Variants in CEP295 observed in about 807,000 individuals in gnomAD.
CEP295 encodes centrosomal protein 295.
Under a neutral mutation model 291.6 loss-of-function variants are expected in CEP295, and 190 were observed. The ratio of observed to expected loss-of-function variants is 0.65; its 90% CI spans 0.58 to 0.73. The LOEUF (loss-of-function observed/expected upper bound fraction) is 0.73, where lower values mean the gene tolerates loss of function less well. CEP295 is among the 30% of genes least tolerant of loss of function. The pLI is 0.00. For missense variants in CEP295, 2,863 were observed against 2,949.4 expected, an observed-to-expected ratio of 0.97 and a Z score of 0.68; for synonymous variants, 993 against 1,038.8, an observed-to-expected ratio of 0.96 and a Z score of 0.85.
At chr11:93,724,178 T>G (rs2135334520) in intron 21 of CEP295, 76 bp from the exon 22 acceptor site, 2 of 1,337,070 alleles carry the variant, frequency 1.5e-6, no homozygotes, top group Middle Eastern at 1.9e-4. Flanking sequence ...AATACTCCTT[T>G]TCTAGTGTTT....
At position 93,669,716 on chromosome 11, in the gene CEP295, A is replaced by G; in HGVS notation, c.474A>G (p.Lys158=). 6.4e-7 allele frequency: 1 copy of G among 1,550,818 alleles called. No individual in the cohort carries two copies. The change falls in exon 5 of 30, where the codon AAA becomes AAG. Residue 158 remains lysine (K), a synonymous_variant. Coordinates refer to ENST00000325212, the MANE Select transcript of CEP295 (RefSeq NM_033395.2). Reference sequence around the variant, plus strand: ...GAAAGGAAGCACTGCTTGTGGAAAAAGAGAGATCAGCCAAAATTACAAGTC... The same window carrying G: ...GAAAGGAAGCACTGCTTGTGGAAAAGGAGAGATCAGCCAAAATTACAAGTC... ...KARKEALLVE[K]ERSAKITSLP... is the part of the protein sequence containing the mutation.
intron 25 of CEP295, 63 bp downstream of exon 25, chr11:93,728,884 C>A (rs1937830379): frequency 1.1e-5 from 16 of 1,407,566 alleles, no homozygotes; most frequent in Middle Eastern, 2.4e-4. Flanking sequence ...TTGTCTCTTA[C>A]AACTTATCAG....
chr11:93,728,913 A>G, intron 25 of CEP295, 92 bp downstream of exon 25: 1 of 1,176,314 alleles, frequency 8.5e-7, no homozygotes, highest in Admixed American at 2.8e-5. Context: ...CATTGGAGGG[A>G]ATTATGCTAT....
At position 93,668,867 on chromosome 11, in the gene CEP295, G is replaced by T; in HGVS notation, c.369G>T (p.Leu123Phe). ...RAAERKRKAD[L>F]RHKEALKVQK... Reference sequence around the variant, plus strand: ...CAGAAAGGAAAAGAAAAGCAGATTTGAGGCATAAAGAAGCCTTGAAAGTAC... The same window carrying T: ...CAGAAAGGAAAAGAAAAGCAGATTTTAGGCATAAAGAAGCCTTGAAAGTAC... Residue 123 changes from leucine (L) to phenylalanine (F), a missense_variant, in exon 4 of 30, where the codon TTG (leucine) becomes TTT (phenylalanine). Leu to Phe is a conservative substitution (Grantham distance 22). Transcript: ENST00000325212. The T allele has an allele frequency of 6.8e-7, 1 of 1,481,386 alleles. No homozygotes were observed. Among genetic ancestry groups the T allele is most frequent in the East Asian group, 2.5e-5 (1 of 40,346 alleles). 91.8% of individuals were successfully genotyped at this position (1,481,386 alleles called of 1,614,324 possible). A position where few individuals can be genotyped will look rare whatever the true frequency, so the allele number is the denominator to read the frequency against.
intron 4 of CEP295, 70 bp downstream of exon 4, chr11:93,669,002 A>C: frequency 1.3e-6 from 1 of 749,918 alleles, no homozygotes; most frequent in Non-Finnish European, 2.1e-6. Flanking sequence ...TACATAGGAT[A>C]CTGTGTAAGC....
chr11:93,689,903 T>G (rs1951432084), intron 10 of CEP295, among the ~76,000 whole-genome samples: 1 of 152,190 alleles, frequency 6.6e-6, no homozygotes, highest in Non-Finnish European at 1.5e-5. Flanking sequence ...ATATGATATT[T>G]AAAGCCATGG....
At chr11:93,728,654 G>T (rs1177014000) in intron 24 of CEP295, 27 bp from the exon 25 acceptor site, 32 of 1,507,558 alleles carry the variant, frequency 2.1e-5, no homozygotes, top group Non-Finnish European at 2.7e-5. Context: ...ATTTTGACAT[G>T]GTTTTCCTTT....
intron 18 of CEP295, among the ~76,000 whole-genome samples, chr11:93,717,853 G>A (rs1953385476): frequency 6.6e-6 from 1 of 152,138 alleles, no homozygotes; most frequent in African/African-American, 2.4e-5. Flanking sequence ...TCAGCTCCTG[G>A]ATACCAGGGA....
In CEP295 at chr11:93,698,164, TAGAC is replaced by T; in HGVS notation, c.3254_3257del (p.Arg1085LysfsTer12). On this transcript the variant is annotated frameshift_variant, in exon 15 of 30. Transcript: ENST00000325212. LOFTEE classifies it high-confidence loss of function. ...AAGCTCAGGTGGAATTACTTTTACATAGACAAAGAGATTTGGGGGACAGTAAGTC... is the reference window on the plus strand; with the variant it reads ...AAGCTCAGGTGGAATTACTTTTACATAAAGAGATTTGGGGGACAGTAAGTC... 1 of 1,552,132 alleles carries T rather than the reference TAGAC, an allele frequency of 6.4e-7. No individual in the cohort carries two copies. Among genetic ancestry groups the T allele is most frequent in the Non-Finnish European group, 8.7e-7 (1 of 1,147,088 alleles).
At chr11:93,695,700 C>A in intron 13 of CEP295, 66 bp downstream of exon 13, 1 of 1,457,134 alleles carries the variant, frequency 6.9e-7, no homozygotes, top group Non-Finnish European at 8.9e-7. Context: ...AATATGAGCA[C>A]TTGTAGCGTT....
Position 93,699,552 on chromosome 11 carries a change from G to A in CEP295, c.4640G>A (p.Cys1547Tyr), listed in dbSNP as rs778587669. 1.3e-6 allele frequency: 2 copies of A among 1,551,736 alleles called. No homozygotes were observed. The highest frequency in any genetic ancestry group is 2.7e-5 in the African/African-American group (2 of 73,036). ...LEKRVSSEQV[C>Y]SSSFVSQVPV... The stretch of plus-strand genomic sequence containing the variant: ...AAAAGGGTATCATCTGAACAAGTTT[G>A]CTCCTCTTCATTTGTATCCCAGGTG... The change falls in exon 15 of 30, where the codon TGC (cysteine) becomes TAC (tyrosine). Residue 1547 changes from cysteine (C) to tyrosine (Y), a missense_variant. Coordinates refer to ENST00000325212, the MANE Select transcript of CEP295 (RefSeq NM_033395.2).
chr11:93,726,359 C>T (rs1003813059), intron 23 of CEP295, among the ~76,000 whole-genome samples: 2 of 152,214 alleles, frequency 1.3e-5, no homozygotes, highest in African/African-American at 4.8e-5. Flanking sequence ...GTCTAGAACT[C>T]CCGACCTCAG....
chr11:93,729,201 G>A, intron 25 of CEP295: 2 of 579,286 alleles, frequency 3.5e-6, no homozygotes, highest in Non-Finnish European at 6.1e-6. Context: ...GAGGCCTAGA[G>A]GTGTGAGGGC....
intron 3 of CEP295, among the ~76,000 whole-genome samples, chr11:93,668,337 C>T (rs1317920649): frequency 6.6e-6 from 1 of 152,116 alleles, no homozygotes; most frequent in Non-Finnish European, 1.5e-5. Context: ...TATCTTAAGA[C>T]TGTGGCAATC....
chr11:93,675,318 T>TA lies in CEP295; in HGVS notation c.529-248dup, dbSNP rs146205959. 3.2e-3 allele frequency among the ~76,000 whole-genome samples: 485 copies of TA among 152,242 alleles called. 11 individuals carry two copies. The East Asian group carries it at 0.053, about 17-fold the overall frequency. On this transcript the variant is annotated intron_variant, in intron 5 of 29. Coordinates refer to ENST00000325212, the MANE Select transcript of CEP295 (RefSeq NM_033395.2). ...AGATGAAATTTCTCTATAAATAACT[T>TA]AAAAATTGAGATGAATAAAACACAT...
chr11:93,671,436 T>C (rs897957984), intron 5 of CEP295, among the ~76,000 whole-genome samples: 15 of 152,182 alleles, frequency 9.9e-5, no homozygotes, highest in African/African-American at 3.6e-4. Flanking sequence ...AAGTTGTTTC[T>C]TGCGTCCCCG....
rs1299266425 is a variant in CEP295 at position 93,702,768 on chromosome 11, C to T, written c.5453-8C>T. The T allele has an allele frequency of 6.4e-7, 1 of 1,550,668 alleles. No homozygotes were observed. The highest frequency in any genetic ancestry group is 1.4e-5 in the African/African-American group (1 of 72,972). On this transcript the variant is annotated splice_region_variant and splice_polypyrimidine_tract_variant and intron_variant, in intron 16 of 29. Transcript: ENST00000325212. ...GTATTGTATCCAACTTTGTCATTGA[C>T]TTAATAGGTGAGCATCTGGAGAAAG...
In CEP295 at chr11:93,715,591, G is replaced by T. The variant is rs551862431; in HGVS notation, c.5750-5721G>T. On this transcript the variant is annotated intron_variant, in intron 18 of 29. Transcript: ENST00000325212. ...TCATAGCCATCACAGCTGTGAATAT[G>T]CTGGGTCACACATGAAGCCATCATG... Among the ~76,000 whole-genome samples, 3 of 152,168 alleles carry T rather than the reference G, an allele frequency of 2.0e-5. No individual in the cohort carries two copies. The East Asian group carries it at 5.8e-4, about 30-fold the overall frequency.
intron 5 of CEP295, among the ~76,000 whole-genome samples, chr11:93,672,093 G>A (rs1387349526): frequency 6.6e-6 from 1 of 152,202 alleles, no homozygotes; most frequent in African/African-American, 2.4e-5. Flanking sequence ...TTGAAGGTCA[G>A]AAGTTAAGTA....
Sources: allele counts gnomAD v4.1 joint callset (sites outside exome capture counted in the v4.1 genomes callset), GRCh38; gene constraint gnomAD v4.1.1; transcripts MANE v1.5; gene names NCBI Gene and HGNC (gene_info 2026-07-23, HGNC 2026-07-21).